DLGAP2: variants seen among roughly 807,000 people sequenced by gnomAD.
DLGAP2 encodes disks large-associated protein 2.
In DLGAP2, 26 loss-of-function variants were observed where a neutral mutation model predicts 100.3. That is an observed-to-expected ratio of 0.26 (90% CI 0.19 to 0.36). DLGAP2 has a LOEUF of 0.36. Among genes scored for constraint, DLGAP2 ranks in the 10% least tolerant of loss-of-function variants. The pLI, the probability that DLGAP2 is intolerant of heterozygous loss-of-function variation, is 1.00. For missense variants in DLGAP2, 1,858 were observed against 1,453.2 expected (o/e 1.28, Z -4.53); for synonymous variants, 886 against 630.1 (o/e 1.41, Z -6.08).
intron 3 of DLGAP2, among the ~76,000 whole-genome samples, chr8:1,302,801 T>A (rs567049994): frequency 1.3e-5 from 2 of 152,378 alleles, no homozygotes; most frequent in African/African-American, 2.4e-5. Flanking sequence ...GCTTGGCTCT[T>A]CCCCTCGCCC....
intron 8 of DLGAP2, among the ~76,000 whole-genome samples, chr8:1,650,183 C>T (rs994545402): frequency 2.0e-5 from 3 of 152,128 alleles, no homozygotes; most frequent in Non-Finnish European, 2.9e-5. Context: ...ATTACACAAT[C>T]AATTGAACAA....
chr8:963,776 A>C (rs1204082264), intron 2 of DLGAP2, among the ~76,000 whole-genome samples: 1 of 152,214 alleles, frequency 6.6e-6, no homozygotes. Flanking sequence ...ATTTATGAAC[A>C]GTAGGAATTC....
intron 4 of DLGAP2, among the ~76,000 whole-genome samples, chr8:1,525,044 C>T (rs1488143179): frequency 2.0e-5 from 3 of 152,218 alleles, no homozygotes; most frequent in Non-Finnish European, 4.4e-5. Context: ...TACTTTGCTT[C>T]CATTGTTTTC....
chr8:1,093,138 G>C (rs889133407), intron 2 of DLGAP2, among the ~76,000 whole-genome samples: 4 of 152,306 alleles, frequency 2.6e-5, no homozygotes, highest in Admixed American at 2.0e-4. Flanking sequence ...AGCAGACTGG[G>C]TGAGGCCCAC....
chr8:741,758 A>G (rs1820491700), intron 1 of DLGAP2, among the ~76,000 whole-genome samples: 1 of 152,124 alleles, frequency 6.6e-6, no homozygotes, highest in South Asian at 2.1e-4. Flanking sequence ...GGCTTGGCGG[A>G]CCCTACTTCC....
intron 2 of DLGAP2, among the ~76,000 whole-genome samples, chr8:1,169,338 T>C (rs1029489503): frequency 1.3e-5 from 2 of 152,230 alleles, no homozygotes; most frequent in Non-Finnish European, 2.9e-5. Context: ...TTTGTTCTTT[T>C]GGCTTAGGAT....
rs921176492 is a variant in DLGAP2 at position 1,106,709 on chromosome 8, G to T, written c.74-152142G>T. Among the ~76,000 whole-genome samples, 17 of 150,092 alleles carry T rather than the reference G, an allele frequency of 1.1e-4. 1 individual carries two copies. The highest frequency in any genetic ancestry group is 2.2e-4 in the Non-Finnish European group (15 of 67,204). ...TCTACTGAAGGAGGCCATTCTAGGA[G>T]GGTTTTCTATTGAAGAGAGCCATTC... On this transcript the variant is annotated intron_variant, in intron 2 of 14. Coordinates refer to ENST00000637795, the MANE Select transcript of DLGAP2 (RefSeq NM_001346810.2).
chr8:1,026,202 C>T (rs1400916935), intron 2 of DLGAP2, among the ~76,000 whole-genome samples: 11 of 152,196 alleles, frequency 7.2e-5, no homozygotes, highest in Admixed American at 3.9e-4. Flanking sequence ...ACGTGCCTCA[C>T]GATCGTGCTG....
chr8:1,263,480 G>C (rs767252354), intron 3 of DLGAP2, among the ~76,000 whole-genome samples: 2 of 152,092 alleles, frequency 1.3e-5, no homozygotes, highest in African/African-American at 4.8e-5. Flanking sequence ...AGGAACCCAG[G>C]CCACCTCTTC....
chr8:1,322,671 C>T (rs1166021642), intron 3 of DLGAP2, among the ~76,000 whole-genome samples: 8 of 152,244 alleles, frequency 5.3e-5, no homozygotes, highest in East Asian at 1.9e-4. Context: ...ACCCACCCAT[C>T]GTGCTGCGTC....
At chr8:1,071,508 G>A (rs1803430534) in intron 2 of DLGAP2, among the ~76,000 whole-genome samples, 1 of 152,172 alleles carries the variant, frequency 6.6e-6, no homozygotes. Context: ...CCCGGTGCCA[G>A]ACAGGATCCA....
intron 2 of DLGAP2, among the ~76,000 whole-genome samples, chr8:979,920 T>A (rs762971393): frequency 9.9e-5 from 15 of 151,990 alleles, no homozygotes; most frequent in Non-Finnish European, 2.2e-4. Context: ...ACAGCTGTGG[T>A]AAGAAAGAGG....
At chr8:1,076,273 G>GGC (rs1347113565) in intron 2 of DLGAP2, among the ~76,000 whole-genome samples, 1 of 152,184 alleles carries the variant, frequency 6.6e-6, no homozygotes, top group Admixed American at 6.5e-5. Context: ...TGGTGGTTGG[G>GGC]AATGGCATGA....
In DLGAP2 at chr8:1,669,769, A is replaced by G. The variant is rs775220630; in HGVS notation, c.2187A>G (p.Pro729=). 2.8e-5 allele frequency: 22 copies of G among 780,812 alleles called. No individual in the cohort carries two copies. The highest frequency in any genetic ancestry group is 9.4e-5 in the South Asian group (7 of 74,634). The allele number at this position is 780,812 out of a possible 1,614,324, so 48.4% of individuals were successfully genotyped here. A position where few individuals can be genotyped will look rare whatever the true frequency, so the allele number is the denominator to read the frequency against. Reference sequence around the variant, plus strand: ...ATTCTGAATTCCCAGAGCATCAGCCATACCCAAGGTCAGATGTAAGTACCG... The same window carrying G: ...ATTCTGAATTCCCAGAGCATCAGCCGTACCCAAGGTCAGATGTAAGTACCG... ...IQDSEFPEHQ[P]YPRSDVETAT... The change falls in exon 10 of 15, where the codon CCA becomes CCG. Residue 729 remains proline (P), a synonymous_variant. Coordinates refer to ENST00000637795, the MANE Select transcript of DLGAP2 (RefSeq NM_001346810.2).
At chr8:1,334,909 C>A (rs1204482666) in intron 3 of DLGAP2, among the ~76,000 whole-genome samples, 1 of 152,234 alleles carries the variant, frequency 6.6e-6, no homozygotes, top group Non-Finnish European at 1.5e-5. Context: ...CCGCCTTGGC[C>A]CTCCCTGCGG....
intron 1 of DLGAP2, among the ~76,000 whole-genome samples, chr8:906,523 C>G (rs1798384153): frequency 6.6e-6 from 1 of 152,158 alleles, no homozygotes; most frequent in African/African-American, 2.4e-5. Context: ...GGCGTCAAAC[C>G]CCGGGAGTTG....
intron 2 of DLGAP2, among the ~76,000 whole-genome samples, chr8:982,578 G>T (rs1000633820): frequency 3.3e-5 from 5 of 152,188 alleles, no homozygotes; most frequent in African/African-American, 1.2e-4. Flanking sequence ...AACTTGCTAT[G>T]GAGGGAAGCG....
chr8:1,584,713 C>T (rs1294884766), intron 6 of DLGAP2, among the ~76,000 whole-genome samples: 6 of 152,152 alleles, frequency 3.9e-5, no homozygotes, highest in Non-Finnish European at 7.3e-5. Flanking sequence ...GCACTTGCTC[C>T]TGGGGGTCTC....
At chr8:1,126,490 G>A (rs562782002) in intron 2 of DLGAP2, among the ~76,000 whole-genome samples, 1 of 151,960 alleles carries the variant, frequency 6.6e-6, no homozygotes, top group Non-Finnish European at 1.5e-5. Flanking sequence ...CAGGTGAGGG[G>A]CTGGGATCTC....
Sources: gnomAD v4.1 joint callset for allele counts (sites outside exome capture counted in the v4.1 genomes callset) on GRCh38, gnomAD v4.1.1 for gene constraint, MANE v1.5 for transcripts, NCBI Gene and HGNC (gene_info 2026-07-23, HGNC 2026-07-21) for gene names.